The following IPO9 variants were observed in gnomAD, a reference collection of about 807,000 sequenced individuals.
IPO9 encodes the protein importin-9.
In IPO9, 28 loss-of-function variants were observed where a neutral mutation model predicts 128.6. That is an observed-to-expected ratio of 0.22 (90% CI 0.16 to 0.30). The LOEUF (loss-of-function observed/expected upper bound fraction) is 0.30, where lower values mean the gene tolerates loss of function less well. IPO9 is among the 10% of genes least tolerant of loss of function. The pLI is 1.00. For synonymous variants in IPO9, 455 were observed against 475.8 expected (o/e 0.96, Z 0.57); for missense variants, 935 against 1,293.9 (o/e 0.72, Z 4.26).
At chr1:201,864,742 C>T (rs1680518410) in intron 14 of IPO9, among the ~76,000 whole-genome samples, 1 of 152,332 alleles carries the variant, frequency 6.6e-6, no homozygotes, top group East Asian at 1.9e-4. Flanking sequence ...CATTGATTCT[C>T]TCTGGGGGAG....
intron 20 of IPO9, among the ~76,000 whole-genome samples, chr1:201,873,950 A>C (rs1293900656): frequency 1.3e-5 from 2 of 152,148 alleles, no homozygotes; most frequent in African/African-American, 2.4e-5. Context: ...CTCAAATTCT[A>C]AGTCATTGGG....
chr1:201,865,272 G>A (rs911489681), intron 14 of IPO9, among the ~76,000 whole-genome samples: 5 of 148,846 alleles, frequency 3.4e-5, no homozygotes, highest in African/African-American at 5.0e-5. Context: ...GCAGTGGCGC[G>A]ATCTCGGCTC....
intron 14 of IPO9, 67 bp from the exon 15 acceptor site, chr1:201,866,666 G>C: frequency 8.3e-7 from 1 of 1,206,602 alleles, no homozygotes; most frequent in South Asian, 1.2e-5. Flanking sequence ...TATAATATGT[G>C]AGATTGATTG....
At chr1:201,868,915 G>C (rs893945249) in intron 16 of IPO9, 119 bp downstream of exon 16, 3 of 1,360,304 alleles carry the variant, frequency 2.2e-6, no homozygotes, top group Non-Finnish European at 2.9e-6. Context: ...ATTTTGCTGA[G>C]CTCTTTTGCC....
intron 1 of IPO9, among the ~76,000 whole-genome samples, chr1:201,839,492 C>T (rs965666486): frequency 1.5e-5 from 2 of 137,636 alleles, no homozygotes; most frequent in Non-Finnish European, 3.0e-5. Flanking sequence ...ACCTGGGAGG[C>T]GGAGCTTGCA....
intron 3 of IPO9, 69 bp downstream of exon 3, chr1:201,847,707 CA>C: frequency 9.4e-7 from 1 of 1,064,516 alleles, no homozygotes. Context: ...TAGACTATAA[CA>C]TTCTTTGACA....
At position 201,882,710 on chromosome 1, in the gene IPO9, C is replaced by T. The variant is rs951812099; in HGVS notation, c.*6656C>T. ...CTGACTAGGAGGCCTAGAAGTCCCTCCCAGGCTTGAGTTGTTCTGACTTGG... is the reference window on the plus strand; with the variant it reads ...CTGACTAGGAGGCCTAGAAGTCCCTTCCAGGCTTGAGTTGTTCTGACTTGG... On this transcript the variant is annotated 3_prime_UTR_variant, in exon 24 of 24. Coordinates refer to ENST00000361565, the MANE Select transcript of IPO9 (RefSeq NM_018085.5). 1.6e-4 allele frequency: 24 copies of T among 152,398 alleles called. No homozygotes were observed. The highest frequency in any genetic ancestry group is 5.5e-4 in the African/African-American group (23 of 41,566). The allele number at this position is 152,398 out of a possible 1,614,324, so 9.4% of individuals were successfully genotyped here.
At chr1:201,837,931 G>A (rs1488936199) in intron 1 of IPO9, among the ~76,000 whole-genome samples, 3 of 152,046 alleles carry the variant, frequency 2.0e-5, no homozygotes, top group African/African-American at 7.2e-5. Flanking sequence ...TTAGCTGGGC[G>A]TGGTGGCACA....
chr1:201,833,165 T>C (rs1679868385), intron 1 of IPO9, among the ~76,000 whole-genome samples: 1 of 152,136 alleles, frequency 6.6e-6, no homozygotes, highest in Admixed American at 6.5e-5. Context: ...ATTTGATTCA[T>C]GTAGCGTGTC....
At chr1:201,875,806 C>T (rs1218841001) in intron 23 of IPO9, 138 bp from the exon 24 acceptor site, 5 of 685,132 alleles carry the variant, frequency 7.3e-6, no homozygotes, top group African/African-American at 1.8e-5. Context: ...GATCCAAGAA[C>T]ATGAAAGACC....
chr1:201,848,862 G>A (rs533659989), intron 4 of IPO9, among the ~76,000 whole-genome samples: 4 of 152,248 alleles, frequency 2.6e-5, no homozygotes, highest in Non-Finnish European at 4.4e-5. Flanking sequence ...TTGGATTTTT[G>A]TAGTGGCTTC....
chr1:201,857,438 G>T (rs1475858669), intron 11 of IPO9, among the ~76,000 whole-genome samples: 2 of 152,194 alleles, frequency 1.3e-5, no homozygotes, highest in Non-Finnish European at 2.9e-5. Context: ...TAGGGCCGGG[G>T]TGCGGGGGAG....
chr1:201,850,712 A>G (rs1298125027), intron 4 of IPO9: 3 of 152,194 alleles, frequency 2.0e-5, no homozygotes, highest in South Asian at 2.1e-4. Flanking sequence ...AGCAGAATTA[A>G]ATTATACTGT....
At chr1:201,840,667 CAT>C (rs1680019649) in intron 1 of IPO9, among the ~76,000 whole-genome samples, 1 of 152,092 alleles carries the variant, frequency 6.6e-6, no homozygotes, top group South Asian at 2.1e-4. Context: ...ACACGAATAA[CAT>C]ATGGTATATC....
Position 201,877,556 on chromosome 1 carries a change from G to T in IPO9, c.*1502G>T, listed in dbSNP as rs72742088. ...TGAAACCTGTGTTCCCCTTTTTTTG[G>T]TAGTGCCCACATCTGGTGCCCCATT... On this transcript the variant is annotated 3_prime_UTR_variant, in exon 24 of 24. Transcript: ENST00000361565. 12,154 of 151,604 alleles carry T rather than the reference G, an allele frequency of 0.08. 585 individuals are homozygous for T. The highest frequency in any genetic ancestry group is 0.13 in the Admixed American group (1,917 of 15,230). 9.4% of individuals were successfully genotyped at this position (151,604 alleles called of 1,614,324 possible). A position where few individuals can be genotyped will look rare whatever the true frequency, so the allele number is the denominator to read the frequency against.
Position 201,876,970 on chromosome 1 carries a change from G to T in IPO9, c.*916G>T, listed in dbSNP as rs1479658951. 2 of 152,582 alleles carry T rather than the reference G, an allele frequency of 1.3e-5. No individual in the cohort carries two copies. Among genetic ancestry groups the T allele is most frequent in the Non-Finnish European group, 2.9e-5 (2 of 68,034 alleles). 9.5% of individuals were successfully genotyped at this position (152,582 alleles called of 1,614,324 possible). A position where few individuals can be genotyped will look rare whatever the true frequency, so the allele number is the denominator to read the frequency against. On this transcript the variant is annotated 3_prime_UTR_variant, in exon 24 of 24. Transcript: ENST00000361565. The stretch of plus-strand genomic sequence containing the variant: ...GTAATCTTTACAAATGAATTTAGTT[G>T]CATGGTATAAGGTGTCTCAGCACCT...
rs2102894836 is a variant in IPO9, at chr1:201,879,139, G to C, written c.*3085G>C. ...CCTAGGAAGGAAGCTGATAACACAA[G>C]TTACAGACGTATATGTGACATTGAT... On this transcript the variant is annotated 3_prime_UTR_variant, in exon 24 of 24. Transcript: ENST00000361565. The C allele has an allele frequency of 6.6e-6, 1 of 152,278 alleles. No homozygotes were observed. 9.4% of individuals were successfully genotyped at this position (152,278 alleles called of 1,614,324 possible).
At chr1:201,861,332 C>G (rs918015530) in intron 13 of IPO9, among the ~76,000 whole-genome samples, 17 of 152,242 alleles carry the variant, frequency 1.1e-4, no homozygotes, top group African/African-American at 3.9e-4. Flanking sequence ...TACAGTGATG[C>G]CAAAGCAATA....
At chr1:201,847,426 G>A (rs781050540) in intron 2 of IPO9, 86 bp downstream of exon 2, 70 of 1,387,502 alleles carry the variant, frequency 5.0e-5, no homozygotes, top group Non-Finnish European at 6.7e-5. Context: ...TAAGGCCAGT[G>A]TATAAATAAC....
Sources: allele counts gnomAD v4.1 joint callset (sites outside exome capture counted in the v4.1 genomes callset), GRCh38; gene constraint gnomAD v4.1.1; transcripts MANE v1.5; gene names NCBI Gene and HGNC (gene_info 2026-07-23, HGNC 2026-07-21).